The following GNB1L variants were observed in gnomAD, a reference collection of about 807,000 sequenced individuals.
GNB1L encodes guanine nucleotide-binding protein subunit beta-like protein 1.
GNB1L carries 20 observed loss-of-function variants against 29.1 expected under a neutral mutation model. That is an observed-to-expected ratio of 0.69 (90% confidence interval 0.48 to 1.00). The LOEUF (loss-of-function observed/expected upper bound fraction) is 1.00, where lower values mean the gene tolerates loss of function less well. Among genes scored for constraint, GNB1L ranks in the 50% least tolerant of loss-of-function variants. The pLI is 0.00. For missense variants in GNB1L, 421 were observed against 464.9 expected (o/e 0.91, Z 0.87); for synonymous variants, 193 against 206.5 (o/e 0.93, Z 0.56).
rs1303090599 is a variant in GNB1L, at chr22:19,844,092, G to T, written c.-21+10351C>A. ...GTGCCCCACCCAGGACTCCTGGCCT[G>T]CAGTGAGCCAGGTGGGGCCCAGCAC... On this transcript the variant is annotated intron_variant, in intron 2 of 7. Coordinates refer to ENST00000329517, the MANE Select transcript of GNB1L (RefSeq NM_053004.3). Among the ~76,000 whole-genome samples, 3 of 152,206 alleles carry T rather than the reference G, an allele frequency of 2.0e-5. 1 individual carries two copies. Among genetic ancestry groups the T allele is most frequent in the Non-Finnish European group, 4.4e-5 (3 of 68,030 alleles).
chr22:19,842,355 T>C (rs759033074), intron 2 of GNB1L, among the ~76,000 whole-genome samples: 4 of 152,202 alleles, frequency 2.6e-5, no homozygotes, highest in Non-Finnish European at 2.9e-5. Flanking sequence ...CCCTTCCCCA[T>C]CTCTGAAATG....
Position 19,788,789 on chromosome 22 carries a change from C to A in GNB1L, c.904G>T (p.Ala302Ser), listed in dbSNP as rs1198897561. 3 of 1,612,510 alleles carry A rather than the reference C, an allele frequency of 1.9e-6. No individual in the cohort carries two copies. The highest frequency in any genetic ancestry group is 2.5e-6 in the Non-Finnish European group (3 of 1,179,780). The stretch of plus-strand genomic sequence containing the variant: ...GCCAGCAAGCCATCGGCGGTGAAGG[C>A]CACGCACTGGACAGCGGCGCTGTGG... ...AFHSAAVQCV[A>S]FTADGLLAAG... The change falls in exon 8 of 8, where the codon GCC (alanine) becomes TCC (serine). Residue 302 changes from alanine to serine, a missense_variant. Coordinates refer to ENST00000329517, the MANE Select transcript of GNB1L (RefSeq NM_053004.3).
chr22:19,845,349 C>G (rs772330643), intron 2 of GNB1L, among the ~76,000 whole-genome samples: 5 of 152,238 alleles, frequency 3.3e-5, no homozygotes, highest in African/African-American at 7.2e-5. Flanking sequence ...GAGGGCCCCC[C>G]CTATGCACAG....
At chr22:19,834,807 A>G (rs991847505) in intron 2 of GNB1L, among the ~76,000 whole-genome samples, 2 of 152,198 alleles carry the variant, frequency 1.3e-5, no homozygotes, top group African/African-American at 4.8e-5. Context: ...AAAGAAGAGA[A>G]GAAAAAGAGA....
intron 2 of GNB1L, chr22:19,851,372 G>A (rs1467314955): frequency 6.2e-7 from 1 of 1,614,144 alleles, no homozygotes; most frequent in East Asian, 2.2e-5. Flanking sequence ...GACAGGTGTG[G>A]GGGCTGCCTC....
intron 2 of GNB1L, chr22:19,851,382 C>T (rs772856177): frequency 2.2e-5 from 35 of 1,613,920 alleles, no homozygotes; most frequent in Non-Finnish European, 2.8e-5. Flanking sequence ...GGGGCTGCCT[C>T]CTCTGGCTGG....
chr22:19,792,490 A>G, intron 7 of GNB1L: 1 of 1,568,214 alleles, frequency 6.4e-7, no homozygotes, highest in Non-Finnish European at 8.7e-7. Flanking sequence ...TTGCAGCGGC[A>G]GAGAGCCATC....
chr22:19,788,442 C>G lies in GNB1L; in HGVS notation c.*267G>C, dbSNP rs1207095380. 1 of 598,554 alleles carries G rather than the reference C, an allele frequency of 1.7e-6. No homozygotes were observed. Among genetic ancestry groups the G allele is most frequent in the Non-Finnish European group, 3.0e-6 (1 of 333,234 alleles). The allele number at this position is 598,554 out of a possible 1,614,324, so 37.1% of individuals were successfully genotyped here. A position where few individuals can be genotyped will look rare whatever the true frequency, so the allele number is the denominator to read the frequency against. On this transcript the variant is annotated 3_prime_UTR_variant, in exon 8 of 8. Coordinates refer to ENST00000329517, the MANE Select transcript of GNB1L (RefSeq NM_053004.3). ...GGCAATGGAAATTTATTATAAAATA[C>G]CCTCAGCTGGCAACACAGCAGGCCC...
intron 7 of GNB1L, among the ~76,000 whole-genome samples, chr22:19,798,861 C>T (rs1157639219): frequency 6.6e-6 from 1 of 152,268 alleles, no homozygotes; most frequent in African/African-American, 2.4e-5. Context: ...AAGAGGAGGA[C>T]TGGTCCTGGC....
intron 2 of GNB1L, among the ~76,000 whole-genome samples, chr22:19,844,578 A>G (rs919750641): frequency 6.6e-6 from 1 of 152,198 alleles, no homozygotes; most frequent in Non-Finnish European, 1.5e-5. Context: ...GCCAAGAGGA[A>G]ATGCCAGCGT....
chr22:19,792,396 AGGCCTAAGAATTTT>A, intron 7 of GNB1L: 1 of 1,473,562 alleles, frequency 6.8e-7, no homozygotes, highest in Non-Finnish European at 9.4e-7. Context: ...GTTTGAGAAA[AGGCCTAAGAATTTT>A]GGCATCGGAC....
At chr22:19,850,405 C>G in intron 2 of GNB1L, 1 of 990,544 alleles carries the variant, frequency 1.0e-6, no homozygotes, top group Non-Finnish European at 1.2e-6. Flanking sequence ...GCGGAGTGAG[C>G]AGGGGATGGC....
At chr22:19,851,078 C>T (rs1938082447) in intron 2 of GNB1L, 2 of 1,470,516 alleles carry the variant, frequency 1.4e-6, no homozygotes, top group African/African-American at 1.4e-5. Context: ...CTGGGGACAC[C>T]ACTCTGCTCT....
Position 19,821,306 on chromosome 22 carries a change from C to T in GNB1L, c.50G>A (p.Arg17Gln), listed in dbSNP as rs755525483. Reference protein sequence around the residue: ...PPPPDPQFVLRGTQSPVHALH... With the variant: ...PPPPDPQFVLQGTQSPVHALH... ...CGCATGCACCGGTGACTGGGTGCCT[C>T]GGAGGACAAACTGGGGGTCTGGAGG... The change falls in exon 3 of 8, where the codon CGA becomes CAA. Residue 17 changes from arginine (R) to glutamine (Q), a missense_variant. Arg to Gln is a conservative substitution (Grantham distance 43, BLOSUM62 1). Transcript: ENST00000329517. 18 of 1,612,954 alleles carry T rather than the reference C, an allele frequency of 1.1e-5. No homozygotes were observed. Among genetic ancestry groups the T allele is most frequent in the South Asian group, 4.4e-5 (4 of 91,078 alleles).
chr22:19,837,559 A>C (rs1937786977), intron 2 of GNB1L, among the ~76,000 whole-genome samples: 1 of 152,248 alleles, frequency 6.6e-6, no homozygotes, highest in South Asian at 2.1e-4. Flanking sequence ...ACTTATCAGA[A>C]TGGCTAAAAC....
chr22:19,821,443 GC>G, intron 2 of GNB1L, 68 bp from the exon 3 acceptor site: 1 of 1,459,480 alleles, frequency 6.9e-7, no homozygotes, highest in Non-Finnish European at 9.4e-7. Context: ...GGCTGCTCAG[GC>G]ACAGGGGTGC....
intron 2 of GNB1L, among the ~76,000 whole-genome samples, chr22:19,824,407 C>A (rs1937603271): frequency 6.6e-6 from 1 of 152,236 alleles, no homozygotes; most frequent in Non-Finnish European, 1.5e-5. Context: ...CCGGCCCTGT[C>A]CTCCCGGAGG....
chr22:19,852,496 G>C (rs1938132427), intron 2 of GNB1L: 1 of 552,744 alleles, frequency 1.8e-6, no homozygotes, highest in Admixed American at 3.4e-5. Context: ...TCTGTCCAAA[G>C]ACAAGGTGGG....
At chr22:19,795,656 G>T (rs1039076498) in intron 7 of GNB1L, among the ~76,000 whole-genome samples, 1 of 152,258 alleles carries the variant, frequency 6.6e-6, no homozygotes, top group South Asian at 2.1e-4. Flanking sequence ...GGAACCTACA[G>T]ATCAAAGAGA....
Sources: gnomAD v4.1 joint callset for allele counts (sites outside exome capture counted in the v4.1 genomes callset) on GRCh38, gnomAD v4.1.1 for gene constraint, MANE v1.5 for transcripts, NCBI Gene and HGNC (gene_info 2026-07-23, HGNC 2026-07-21) for gene names.